ARHGAP10: variants seen among roughly 807,000 people sequenced by gnomAD.
ARHGAP10 encodes Rho GTPase activating protein 10.
A neutral mutation model predicts 108.6 loss-of-function variants in ARHGAP10; 87 were observed. The ratio of observed to expected loss-of-function variants is 0.80; its 90% CI spans 0.67 to 0.96. ARHGAP10 has a LOEUF of 0.96. Among genes scored for constraint, ARHGAP10 ranks in the 40% least tolerant of loss-of-function variants. ARHGAP10 has a pLI of 0.00. For synonymous variants in ARHGAP10, 347 were observed against 341.1 expected, an observed-to-expected ratio of 1.02 and a Z score of -0.19; for missense variants, 939 against 954.5, an observed-to-expected ratio of 0.98 and a Z score of 0.21.
intron 13 of ARHGAP10, among the ~76,000 whole-genome samples, chr4:147,929,307 T>C (rs1737579954): frequency 6.6e-6 from 1 of 152,188 alleles, no homozygotes; most frequent in Non-Finnish European, 1.5e-5. Flanking sequence ...AAATACCGTA[T>C]CTTAAATTTA....
At chr4:147,848,646 T>C (rs1000564646) in intron 4 of ARHGAP10, among the ~76,000 whole-genome samples, 1 of 152,248 alleles carries the variant, frequency 6.6e-6, no homozygotes, top group African/African-American at 2.4e-5. Context: ...CCATTTCTTA[T>C]TTTTCTCATT....
chr4:147,914,551 T>A (rs1490010667), intron 13 of ARHGAP10, among the ~76,000 whole-genome samples: 2 of 136,832 alleles, frequency 1.5e-5, no homozygotes, highest in South Asian at 2.2e-4. Context: ...ACGCATGTTC[T>A]GCGCTCCCCC....
At chr4:147,915,433 C>T (rs1435693764) in intron 13 of ARHGAP10, among the ~76,000 whole-genome samples, 1 of 152,122 alleles carries the variant, frequency 6.6e-6, no homozygotes, top group Non-Finnish European at 1.5e-5. Context: ...CATTTGCATG[C>T]TTATTAATTT....
intron 1 of ARHGAP10, among the ~76,000 whole-genome samples, chr4:147,796,201 C>T (rs1467402437): frequency 1.3e-5 from 2 of 152,052 alleles, no homozygotes; most frequent in African/African-American, 4.8e-5. Context: ...CTATTTTCTC[C>T]ATTCATTGAA....
At chr4:147,797,318 G>T (rs999629040) in intron 1 of ARHGAP10, among the ~76,000 whole-genome samples, 2 of 152,038 alleles carry the variant, frequency 1.3e-5, no homozygotes, top group Admixed American at 6.6e-5. Context: ...ACCCCAGCAT[G>T]CCTTCTATGT....
intron 15 of ARHGAP10, among the ~76,000 whole-genome samples, chr4:147,951,563 G>A (rs959116490): frequency 2.6e-5 from 4 of 151,722 alleles, no homozygotes; most frequent in Non-Finnish European, 5.9e-5. Context: ...TAAATTGTAT[G>A]TAAGGAATAT....
At chr4:147,890,155 T>C (rs1381657890) in intron 10 of ARHGAP10, among the ~76,000 whole-genome samples, 2 of 152,236 alleles carry the variant, frequency 1.3e-5, no homozygotes, top group South Asian at 4.1e-4. Context: ...CAAGGGAGGC[T>C]TCTAAATCCT....
intron 8 of ARHGAP10, among the ~76,000 whole-genome samples, chr4:147,877,999 C>T (rs1476208099): frequency 2.6e-5 from 4 of 151,976 alleles, no homozygotes; most frequent in African/African-American, 7.3e-5. Context: ...GGCAGTGGCA[C>T]GATCTCATCT....
chr4:147,789,356 C>T (rs1333593991), intron 1 of ARHGAP10, among the ~76,000 whole-genome samples: 1 of 152,238 alleles, frequency 6.6e-6, no homozygotes, highest in Non-Finnish European at 1.5e-5. Flanking sequence ...GTGGCACGAT[C>T]TCAGCTCACT....
At chr4:148,005,312 G>A (rs549633743) in intron 18 of ARHGAP10, among the ~76,000 whole-genome samples, 1 of 152,222 alleles carries the variant, frequency 6.6e-6, no homozygotes, top group Non-Finnish European at 1.5e-5. Context: ...AGCTAGGTGT[G>A]CTGGCTCATG....
In ARHGAP10 at chr4:147,909,924, A is replaced by G. The variant is rs78283456; in HGVS notation, c.1162+147A>G. 5.2e-3 allele frequency: 3,786 copies of G among 734,378 alleles called. 85 individuals carry two copies. Among genetic ancestry groups the G allele is most frequent in the South Asian group, 0.042 (2,114 of 50,648 alleles). The allele number at this position is 734,378 out of a possible 1,614,324, so 45.5% of individuals were successfully genotyped here. A position where few individuals can be genotyped will look rare whatever the true frequency, so the allele number is the denominator to read the frequency against. On this transcript the variant is annotated intron_variant, in intron 12 of 22. Coordinates refer to ENST00000336498, the MANE Select transcript of ARHGAP10 (RefSeq NM_024605.4). ...ATTACACGTAATAATCCTCTATTGC[A>G]TGTGTTCTGTTTTACTCAACGGGGA...
At chr4:147,866,507 A>G in intron 6 of ARHGAP10, 1 of 505,420 alleles carries the variant, frequency 2.0e-6, no homozygotes, top group Non-Finnish European at 3.5e-6. Flanking sequence ...TGTGATATTT[A>G]AGGGAAAAAA....
intron 5 of ARHGAP10, chr4:147,863,201 TA>T (rs1260185484): frequency 6.6e-6 from 1 of 152,204 alleles, no homozygotes; most frequent in Non-Finnish European, 1.5e-5. Context: ...CAGGGCTTTT[TA>T]AAAAATCTTC....
intron 11 of ARHGAP10, 33 bp from the exon 12 acceptor site, chr4:147,909,699 A>G: frequency 6.3e-7 from 1 of 1,583,116 alleles, no homozygotes; most frequent in South Asian, 1.1e-5. Context: ...TGATTTGATT[A>G]AAAAATTCTG....
intron 1 of ARHGAP10, among the ~76,000 whole-genome samples, chr4:147,810,149 C>T (rs1475507688): frequency 6.6e-6 from 1 of 152,200 alleles, no homozygotes; most frequent in Non-Finnish European, 1.5e-5. Context: ...ACAAGATTCT[C>T]CCTTTTTTCT....
At chr4:147,878,094 G>A (rs1480288218) in intron 8 of ARHGAP10, among the ~76,000 whole-genome samples, 2 of 149,278 alleles carry the variant, frequency 1.3e-5, no homozygotes, top group African/African-American at 2.5e-5. Context: ...GCACCACCAC[G>A]CCCAGCTAAT....
intron 10 of ARHGAP10, among the ~76,000 whole-genome samples, chr4:147,901,288 A>G (rs1471114798): frequency 6.6e-6 from 1 of 152,252 alleles, no homozygotes; most frequent in Non-Finnish European, 1.5e-5. Context: ...CAGTAAATAG[A>G]AAATGAATAT....
chr4:148,010,341 T>C (rs1741124486), intron 18 of ARHGAP10, among the ~76,000 whole-genome samples: 1 of 152,208 alleles, frequency 6.6e-6, no homozygotes, highest in African/African-American at 2.4e-5. Context: ...TATGATCTTG[T>C]GTCCTTTTAT....
At position 147,955,391 on chromosome 4, in the gene ARHGAP10, G is replaced by A. The variant is rs200150632; in HGVS notation, c.1450+17G>A. ...TTCCAGCCAGTAAGTATTATGTAAA[G>A]GTATATAGGAACAGTTTTGTAGTTG... On this transcript the variant is annotated intron_variant, in intron 16 of 22. Coordinates refer to ENST00000336498, the MANE Select transcript of ARHGAP10 (RefSeq NM_024605.4). 6 of 1,601,228 alleles carry A rather than the reference G, an allele frequency of 3.7e-6. No individual in the cohort carries two copies. The African/African-American group carries it at 5.4e-5, about 14-fold the overall frequency.
Sources: allele counts gnomAD v4.1 joint callset (sites outside exome capture counted in the v4.1 genomes callset), GRCh38; gene constraint gnomAD v4.1.1; transcripts MANE v1.5; gene names NCBI Gene and HGNC (gene_info 2026-07-23, HGNC 2026-07-21).